Variants in PINX1 observed in about 807,000 individuals in gnomAD.
PINX1 encodes PIN2 (TERF1) interacting telomerase inhibitor 1, also known as PIN2/TERF1-interacting telomerase inhibitor 1.
PINX1 carries 34 observed loss-of-function variants against 25.4 expected under a neutral mutation model. The ratio of observed to expected loss-of-function variants is 1.34; its 90% CI spans 1.02 to 1.78. The LOEUF is 1.78. Ranked by LOEUF, PINX1 falls within the 40% of genes most tolerant of loss-of-function variation. The probability of loss-of-function intolerance (pLI) is 0.00; values close to 1 mark genes in which losing one functional copy is unlikely to be tolerated. For missense variants in PINX1, 592 were observed against 404.9 expected (o/e 1.46, Z -3.97); for synonymous variants, 197 against 147.7 (o/e 1.33, Z -2.42).
chr8:10,794,589 G>C (rs1418297123), intron 6 of PINX1, among the ~76,000 whole-genome samples: 3 of 152,032 alleles, frequency 2.0e-5, no homozygotes. Context: ...ACCACGTCTG[G>C]CTAATTTTTG....
At chr8:10,836,241 T>C (rs60420840) in intron 1 of PINX1, among the ~76,000 whole-genome samples, 183 of 152,202 alleles carry the variant, frequency 1.2e-3, no homozygotes, top group African/African-American at 4.3e-3. Context: ...AAAAGGCCCT[T>C]AACAAAGCAA....
Position 10,826,131 on chromosome 8 carries a change from TA to T in PINX1, c.394+20del. 1.5e-6 allele frequency: 2 copies of T among 1,356,008 alleles called. No homozygotes were observed. The highest frequency in any genetic ancestry group is 2.1e-6 in the Non-Finnish European group (2 of 964,502). 84.0% of individuals were successfully genotyped at this position (1,356,008 alleles called of 1,614,324 possible). A position where few individuals can be genotyped will look rare whatever the true frequency, so the allele number is the denominator to read the frequency against. On this transcript the variant is annotated intron_variant, in intron 5 of 6. Coordinates refer to ENST00000314787, the MANE Select transcript of PINX1 (RefSeq NM_017884.6). ...CAAACACGTAGATTTCAATAACAAG[TA>T]AAGAAATGCTTAATCTTACCTTTTG... is the stretch of plus-strand genomic sequence containing the variant.
At chr8:10,776,536 T>A (rs542342360) in intron 6 of PINX1, among the ~76,000 whole-genome samples, 7 of 152,182 alleles carry the variant, frequency 4.6e-5, no homozygotes, top group Non-Finnish European at 1.0e-4. Flanking sequence ...CTTTGGAATG[T>A]CAGCAATTGG....
intron 5 of PINX1, among the ~76,000 whole-genome samples, chr8:10,823,213 C>T (rs1002313740): frequency 6.6e-6 from 1 of 152,202 alleles, no homozygotes; most frequent in Non-Finnish European, 1.5e-5. Context: ...TCTGTATTTC[C>T]CGACCAGGAA....
In PINX1 at chr8:10,776,263, T is replaced by C. The variant is rs779040014; in HGVS notation, c.472-10347A>G. Among the ~76,000 whole-genome samples the C allele has an allele frequency of 5.8e-4, 88 of 151,922 alleles. 1 individual carries two copies. Among genetic ancestry groups the C allele is most frequent in the African/African-American group, 2.1e-3 (86 of 41,436 alleles). On this transcript the variant is annotated intron_variant, in intron 6 of 6. Transcript: ENST00000314787. The stretch of plus-strand genomic sequence containing the variant: ...CAACATGGCAAAACCGCATCTCTAC[T>C]AAAAATACAAAAATTAGCCGGGTGT...
chr8:10,773,562 T>C (rs572305809), intron 6 of PINX1, among the ~76,000 whole-genome samples: 60 of 152,318 alleles, frequency 3.9e-4, no homozygotes, highest in African/African-American at 1.4e-3. Flanking sequence ...AGGGACAGAA[T>C]AGCTTGGCTG....
intron 2 of PINX1, among the ~76,000 whole-genome samples, 191 bp from the exon 3 acceptor site, chr8:10,833,175 T>A (rs969169957): frequency 1.3e-4 from 20 of 152,298 alleles, no homozygotes; most frequent in African/African-American, 4.8e-4. Context: ...ATCTGTAAGA[T>A]TTTCCAGGTA....
intron 6 of PINX1, among the ~76,000 whole-genome samples, chr8:10,803,593 C>A (rs1020924748): frequency 1.3e-5 from 2 of 152,144 alleles, no homozygotes; most frequent in Non-Finnish European, 2.9e-5. Flanking sequence ...TCTAAGATTG[C>A]ATCTCTATAA....
At chr8:10,770,901 G>C (rs532478676) in intron 6 of PINX1, among the ~76,000 whole-genome samples, 6 of 152,184 alleles carry the variant, frequency 3.9e-5, no homozygotes, top group Non-Finnish European at 8.8e-5. Flanking sequence ...AAGACACGGA[G>C]GTCATGCTGC....
intron 6 of PINX1, among the ~76,000 whole-genome samples, chr8:10,811,059 C>T (rs1797506060): frequency 6.6e-6 from 1 of 152,242 alleles, no homozygotes; most frequent in African/African-American, 2.4e-5. Flanking sequence ...GTGGTCTCAA[C>T]AGCAGCAGCA....
intron 6 of PINX1, among the ~76,000 whole-genome samples, chr8:10,802,993 T>C (rs539100537): frequency 3.3e-5 from 5 of 152,316 alleles, no homozygotes; most frequent in Admixed American, 2.0e-4. Context: ...AGGATGACCA[T>C]GACATTGTGA....
chr8:10,784,547 G>C (rs980147119), intron 6 of PINX1, among the ~76,000 whole-genome samples: 2 of 152,144 alleles, frequency 1.3e-5, no homozygotes, highest in African/African-American at 2.4e-5. Context: ...ATTTACTTAG[G>C]CAAAGTAGCT....
Position 10,797,504 on chromosome 8 carries a change from G to T in PINX1, c.471+22689C>A, listed in dbSNP as rs796996762. On this transcript the variant is annotated intron_variant, in intron 6 of 6. Transcript: ENST00000314787. ...TATTGTTGTTTAAAACAAAAAAACA[G>T]AAACAACTTTCTAAAAACAAACAGG... Among the ~76,000 whole-genome samples the T allele has an allele frequency of 7.9e-5, 12 of 152,244 alleles. 1 individual carries two copies. Among genetic ancestry groups the T allele is most frequent in the African/African-American group, 2.9e-4 (12 of 41,548 alleles).
chr8:10,772,251 T>G lies in PINX1; in HGVS notation c.472-6335A>C, dbSNP rs1030783925. ...ACCAGCAGCCTCTGGTAGCAAGCTG[T>G]GAAGGCACAGCCTACATTATATCTT... is the stretch of plus-strand genomic sequence containing the variant. On this transcript the variant is annotated intron_variant, in intron 6 of 6. Coordinates refer to ENST00000314787, the MANE Select transcript of PINX1 (RefSeq NM_017884.6). 2.0e-5 allele frequency among the ~76,000 whole-genome samples: 3 copies of G among 152,212 alleles called. No individual in the cohort carries two copies. The South Asian group carries it at 6.2e-4, about 32-fold the overall frequency.
At chr8:10,838,286 G>C (rs6982048) in intron 1 of PINX1, among the ~76,000 whole-genome samples, 2 of 152,020 alleles carry the variant, frequency 1.3e-5, no homozygotes, top group African/African-American at 2.4e-5. Context: ...AGCAAATTAC[G>C]AAAAAGAAAA....
chr8:10,786,495 C>T (rs140902131), intron 6 of PINX1, among the ~76,000 whole-genome samples: 10 of 152,270 alleles, frequency 6.6e-5, no homozygotes, highest in Non-Finnish European at 1.5e-4. Context: ...AAGAAAAAGT[C>T]CCAAGTCTCA....
intron 1 of PINX1, among the ~76,000 whole-genome samples, chr8:10,838,379 T>C (rs1798469226): frequency 6.6e-6 from 1 of 152,244 alleles, no homozygotes; most frequent in Non-Finnish European, 1.5e-5. Flanking sequence ...AACACTCTCT[T>C]GAAATCATGT....
chr8:10,808,280 G>C (rs1226323080), intron 6 of PINX1, among the ~76,000 whole-genome samples: 1 of 152,184 alleles, frequency 6.6e-6, no homozygotes, highest in African/African-American at 2.4e-5. Context: ...GTCAATGCAA[G>C]TTATTATTGT....
intron 6 of PINX1, among the ~76,000 whole-genome samples, chr8:10,797,111 C>T (rs910286159): frequency 2.6e-5 from 4 of 152,084 alleles, no homozygotes; most frequent in Non-Finnish European, 4.4e-5. Flanking sequence ...AAGCGGGTGA[C>T]GGAGAGTGTT....
Sources: allele counts gnomAD v4.1 joint callset (sites outside exome capture counted in the v4.1 genomes callset), GRCh38; gene constraint gnomAD v4.1.1; transcripts MANE v1.5; gene names NCBI Gene and HGNC (gene_info 2026-07-23, HGNC 2026-07-21).